EIF2B3: variants seen among roughly 807,000 people sequenced by gnomAD.
EIF2B3 encodes translation initiation factor eIF2B subunit gamma.
EIF2B3 carries 20 observed loss-of-function variants against 54.1 expected under a neutral mutation model. The observed-to-expected ratio is 0.37, with a 90% CI of 0.26 to 0.54. The LOEUF is 0.54. Among genes scored for constraint, EIF2B3 ranks in the 20% least tolerant of loss-of-function variants. EIF2B3 has a pLI of 0.86. For synonymous variants in EIF2B3, 153 were observed against 188.1 expected (o/e 0.81, Z 1.52); for missense variants, 448 against 547.8 (o/e 0.82, Z 1.82).
chr1:44,907,784 G>A lies in EIF2B3; in HGVS notation c.567-10340C>T, dbSNP rs196764. On this transcript the variant is annotated intron_variant, in intron 5 of 11. Coordinates refer to ENST00000360403, the MANE Select transcript of EIF2B3 (RefSeq NM_020365.5). ...GCATGGTGGTGCATGCCAGCTACTC[G>A]GTGGCTAAGGCAGGAGAATCGCTTG... 6.8e-3 allele frequency among the ~76,000 whole-genome samples: 1,029 copies of A among 150,612 alleles called. 14 individuals are homozygous for A. The highest frequency in any genetic ancestry group is 0.024 in the African/African-American group (975 of 40,974).
intron 3 of EIF2B3, among the ~76,000 whole-genome samples, chr1:44,942,459 A>T (rs1644046041): frequency 1.0e-5 from 1 of 97,984 alleles, no homozygotes; most frequent in Admixed American, 1.5e-4. Flanking sequence ...ACAGGGTCTT[A>T]CTCTGTCACC....
chr1:44,865,087 C>T (rs950654645), intron 10 of EIF2B3, among the ~76,000 whole-genome samples: 9 of 152,068 alleles, frequency 5.9e-5, no homozygotes, highest in African/African-American at 9.7e-5. Flanking sequence ...GGTGTGGTGG[C>T]GCACGCCTAT....
chr1:44,931,835 C>A (rs75482626), intron 4 of EIF2B3, among the ~76,000 whole-genome samples: 1 of 152,180 alleles, frequency 6.6e-6, no homozygotes. Flanking sequence ...ATGTATAGTA[C>A]GCTGGGCATG....
chr1:44,916,714 T>G (rs1643630743), intron 5 of EIF2B3, among the ~76,000 whole-genome samples: 1 of 150,314 alleles, frequency 6.7e-6, no homozygotes, highest in Non-Finnish European at 1.5e-5. Flanking sequence ...TGGTAGCTAC[T>G]CAGGAGGCTG....
At position 44,984,794 on chromosome 1, in the gene EIF2B3, C is replaced by T. The variant is rs553807834; in HGVS notation, c.-10+1699G>A. On this transcript the variant is annotated intron_variant, in intron 1 of 11. Coordinates refer to ENST00000360403, the MANE Select transcript of EIF2B3 (RefSeq NM_020365.5). ...TACGTAAAGCAGACAAAATAATGTC[C>T]ATCTTTTTTTTTTTTTTTTTTTTGA... Among the ~76,000 whole-genome samples, 9 of 90,802 alleles carry T rather than the reference C, an allele frequency of 9.9e-5. No individual in the cohort carries two copies. The East Asian group carries it at 6.3e-3, about 64-fold the overall frequency. The allele number at this position is 90,802 out of a possible 152,430, so 59.6% of individuals were successfully genotyped here.
At chr1:44,907,578 T>G (rs530380485) in intron 5 of EIF2B3, among the ~76,000 whole-genome samples, 39 of 149,346 alleles carry the variant, frequency 2.6e-4, no homozygotes, top group Non-Finnish European at 4.7e-4. Context: ...AAAAATGCTT[T>G]GGTAGTTGGG....
intron 5 of EIF2B3, among the ~76,000 whole-genome samples, chr1:44,902,525 G>A (rs1557678050): frequency 6.6e-6 from 1 of 151,892 alleles, no homozygotes; most frequent in African/African-American, 2.4e-5. Context: ...AAAAAAGAAA[G>A]AAAGAAATGT....
intron 6 of EIF2B3, among the ~76,000 whole-genome samples, chr1:44,896,735 CA>C (rs1655984897): frequency 6.6e-6 from 1 of 152,192 alleles, no homozygotes; most frequent in South Asian, 2.1e-4. Flanking sequence ...AGATCAACTG[CA>C]AAAGGGGTTT....
chr1:44,884,295 G>A (rs888261166), intron 6 of EIF2B3, among the ~76,000 whole-genome samples: 1 of 152,142 alleles, frequency 6.6e-6, no homozygotes, highest in East Asian at 1.9e-4. Flanking sequence ...AGGCCTGAGA[G>A]AGGGGTGAAA....
At chr1:44,869,003 C>T (rs1234604855) in intron 10 of EIF2B3, among the ~76,000 whole-genome samples, 1 of 152,128 alleles carries the variant, frequency 6.6e-6, no homozygotes, top group African/African-American at 2.4e-5. Context: ...TCATGAAGTT[C>T]CAATTTCTTC....
Position 44,850,699 on chromosome 1 carries a change from C to T in EIF2B3, c.*252G>A. 1 of 553,312 alleles carries T rather than the reference C, an allele frequency of 1.8e-6. No homozygotes were observed. Among genetic ancestry groups the T allele is most frequent in the African/African-American group, 1.9e-5 (1 of 52,920 alleles). 34.3% of individuals were successfully genotyped at this position (553,312 alleles called of 1,614,324 possible). On this transcript the variant is annotated 3_prime_UTR_variant, in exon 12 of 12. Transcript: ENST00000360403. ...GCTGCCCCACCGATACATCTTGGCA[C>T]ACAAGAGTTAGGCCACTGTATCTGT...
At chr1:44,969,558 A>G (rs754932059) in intron 3 of EIF2B3, among the ~76,000 whole-genome samples, 3 of 152,136 alleles carry the variant, frequency 2.0e-5, no homozygotes, top group Non-Finnish European at 4.4e-5. Context: ...AAGTGCCCTT[A>G]TTTTTATAAT....
intron 10 of EIF2B3, among the ~76,000 whole-genome samples, chr1:44,870,699 C>T (rs566543433): frequency 1.7e-4 from 26 of 151,542 alleles, no homozygotes; most frequent in Admixed American, 4.0e-4. Context: ...GTCACCCAGG[C>T]TGGAGTGCAG....
intron 4 of EIF2B3, among the ~76,000 whole-genome samples, chr1:44,937,774 C>G (rs1193864988): frequency 6.6e-6 from 1 of 151,388 alleles, no homozygotes; most frequent in Non-Finnish European, 1.5e-5. Context: ...GTCCCAGCTA[C>G]GCGGGAGGCT....
At chr1:44,873,357 G>A (rs1183715281) in intron 10 of EIF2B3, among the ~76,000 whole-genome samples, 2 of 152,070 alleles carry the variant, frequency 1.3e-5, no homozygotes, top group African/African-American at 4.8e-5. Flanking sequence ...TAACATAATT[G>A]TATTACTAGT....
chr1:44,929,649 T>C (rs1480560930), intron 4 of EIF2B3, among the ~76,000 whole-genome samples: 2 of 152,206 alleles, frequency 1.3e-5, no homozygotes, highest in Admixed American at 6.5e-5. Context: ...AAGGGTCTCA[T>C]TATGAGCCAG....
chr1:44,854,226 C>A (rs1260734416), intron 11 of EIF2B3, among the ~76,000 whole-genome samples: 1 of 152,086 alleles, frequency 6.6e-6, no homozygotes, highest in Non-Finnish European at 1.5e-5. Context: ...TGGTCTCGAA[C>A]TCTTGACCTC....
rs1654238945 is a variant in EIF2B3, at chr1:44,850,554, G to C, written c.*397C>G. 4.1e-6 allele frequency: 1 copy of C among 242,470 alleles called. No individual in the cohort carries two copies. The highest frequency in any genetic ancestry group is 8.1e-6 in the Non-Finnish European group (1 of 123,022). 15.0% of individuals were successfully genotyped at this position (242,470 alleles called of 1,614,324 possible). On this transcript the variant is annotated 3_prime_UTR_variant, in exon 12 of 12. Transcript: ENST00000360403. ...CAGCTAGGCCTATGGGTCTAGAAAG[G>C]CTGATTAGGATAAGGGACTGAAGTA... is the stretch of plus-strand genomic sequence containing the variant.
intron 8 of EIF2B3, among the ~76,000 whole-genome samples, chr1:44,877,376 T>C (rs1435594794): frequency 6.6e-6 from 1 of 152,058 alleles, no homozygotes; most frequent in Non-Finnish European, 1.5e-5. Context: ...TGTCAGTCTC[T>C]TAGCTTTGAA....
Sources: allele counts gnomAD v4.1 joint callset (sites outside exome capture counted in the v4.1 genomes callset), GRCh38; gene constraint gnomAD v4.1.1; transcripts MANE v1.5; gene names NCBI Gene and HGNC (gene_info 2026-07-23, HGNC 2026-07-21).